The following GNE variants were observed in gnomAD, a reference collection of about 807,000 sequenced individuals.
GNE encodes the protein bifunctional UDP-N-acetylglucosamine 2-epimerase/N-acetylmannosamine kinase.
Under a neutral mutation model 61.8 loss-of-function variants are expected in GNE, and 41 were observed. That is an observed-to-expected ratio of 0.66 (90% CI 0.52 to 0.86). GNE has a LOEUF of 0.86. Ranked by LOEUF, GNE falls within the 40% of genes least tolerant of loss-of-function variation. The pLI is 0.00. For synonymous variants in GNE, 264 were observed against 326.4 expected, an observed-to-expected ratio of 0.81 and a Z score of 2.06; for missense variants, 608 against 909.1, an observed-to-expected ratio of 0.67 and a Z score of 4.26.
At chr9:36,252,772 G>T (rs928171130) in intron 1 of GNE, among the ~76,000 whole-genome samples, 2 of 152,172 alleles carry the variant, frequency 1.3e-5, no homozygotes, top group Admixed American at 1.3e-4. Flanking sequence ...AAGAGGTTAA[G>T]TAGCAATAAG....
Position 36,227,602 on chromosome 9 carries a change from A to G in GNE, c.1071-144T>C, listed in dbSNP as rs2133042941. 3 of 677,644 alleles carry G rather than the reference A, an allele frequency of 4.4e-6. No homozygotes were observed. In the East Asian group the frequency reaches 8.1e-5, roughly 18 times the overall value. 42.0% of individuals were successfully genotyped at this position (677,644 alleles called of 1,614,324 possible). A position where few individuals can be genotyped will look rare whatever the true frequency, so the allele number is the denominator to read the frequency against. On this transcript the variant is annotated intron_variant, in intron 6 of 11. Transcript: ENST00000642385. ...AAAGTGACATCTTCCTGCCGTGCAC[A>G]GTGGCTCACACCTGTAATCCCAGCA...
intron 3 of GNE, among the ~76,000 whole-genome samples, chr9:36,245,424 C>T (rs1471162420): frequency 6.6e-6 from 1 of 151,970 alleles, no homozygotes; most frequent in Non-Finnish European, 1.5e-5. Flanking sequence ...GTGGCTCACA[C>T]CTGTAATCCC....
intron 1 of GNE, among the ~76,000 whole-genome samples, chr9:36,269,271 C>G (rs981217540): frequency 6.6e-6 from 1 of 151,788 alleles, no homozygotes; most frequent in Non-Finnish European, 1.5e-5. Context: ...CCTCTTGCCC[C>G]TTAACATGAA....
At chr9:36,259,821 C>A (rs1003794487), upstream of GNE, among the ~76,000 whole-genome samples, 1 of 152,010 alleles carries the variant, frequency 6.6e-6, no homozygotes, top group African/African-American at 2.4e-5. Context: ...CCACCATGCC[C>A]GGCTAATTTT....
Position 36,256,824 on chromosome 9 carries a change from C to G in GNE, c.-43+1497G>C, listed in dbSNP as rs201969115. Among the ~76,000 whole-genome samples, 3 of 152,204 alleles carry G rather than the reference C, an allele frequency of 2.0e-5. No individual in the cohort carries two copies. In the East Asian group the frequency reaches 5.8e-4, roughly 29 times the overall value. On this transcript the variant is annotated intron_variant, in intron 1 of 11. Transcript: ENST00000642385. ...ATAGGTTTCTTCACATGTATTAACT[C>G]ATTTCATCCTCACAGCCCTCGTATT...
intron 1 of GNE, among the ~76,000 whole-genome samples, chr9:36,275,261 G>T (rs1831218922): frequency 6.6e-6 from 1 of 152,096 alleles, no homozygotes; most frequent in South Asian, 2.1e-4. Flanking sequence ...AGGCATTCTT[G>T]ACCTCTGCAC....
At chr9:36,232,868 T>G (rs763892445) in intron 5 of GNE, among the ~76,000 whole-genome samples, 3 of 152,218 alleles carry the variant, frequency 2.0e-5, no homozygotes, top group Non-Finnish European at 2.9e-5. Flanking sequence ...TAGTACATGG[T>G]AGGTGTTTAC....
chr9:36,233,484 G>A lies in GNE; in HGVS notation c.982+436C>T, dbSNP rs1250740762. 3.3e-5 allele frequency among the ~76,000 whole-genome samples: 5 copies of A among 152,258 alleles called. No individual in the cohort carries two copies. The East Asian group carries it at 9.6e-4, about 29-fold the overall frequency. Reference sequence around the variant, plus strand: ...GATTGAGACCATCCTGGCTAACAAAGTGAAACCCCGTCTCTACTAAAAAAT... The same window carrying A: ...GATTGAGACCATCCTGGCTAACAAAATGAAACCCCGTCTCTACTAAAAAAT... On this transcript the variant is annotated intron_variant, in intron 5 of 11. Coordinates refer to ENST00000642385, the MANE Select transcript of GNE (RefSeq NM_005476.7).
chr9:36,276,199 T>C (rs1831256678), intron 1 of GNE, among the ~76,000 whole-genome samples: 1 of 152,062 alleles, frequency 6.6e-6, no homozygotes, highest in Non-Finnish European at 1.5e-5. Context: ...CACACGTTTG[T>C]ATAAGCCATT....
chr9:36,249,301 G>A lies in GNE; in HGVS notation c.55C>T (p.Arg19Cys). 6.2e-7 allele frequency: 1 copy of A among 1,613,622 alleles called. No homozygotes were observed. The highest frequency in any genetic ancestry group is 2.2e-5 in the East Asian group (1 of 44,888). ...GGGGCAAGTTTAGAATAATCTGCAC[G>A]GTTACAAGTAGCAACACAAACCCGC... is the stretch of plus-strand genomic sequence containing the variant. The part of the protein sequence containing the change: ...KLRVCVATCN[R>C]ADYSKLAPIM... Residue 19 changes from arginine (R) to cysteine (C), a missense_variant, in exon 2 of 12, where the codon CGT becomes TGT. Physicochemically the swap from Arg to Cys is radical, Grantham distance 180 (BLOSUM62 -3). Coordinates refer to ENST00000642385, the MANE Select transcript of GNE (RefSeq NM_005476.7).
At chr9:36,270,223 A>G (rs1375191164) in intron 1 of GNE, among the ~76,000 whole-genome samples, 2 of 152,118 alleles carry the variant, frequency 1.3e-5, no homozygotes, top group Admixed American at 1.3e-4. Flanking sequence ...TCTGCCTTCC[A>G]AAGTGTTGGT....
chr9:36,227,235 G>T lies in GNE; in HGVS notation c.1281+13C>A, dbSNP rs1022557448. ...TATGGGATATAAAGTTAGGAGTTTAGGAGTTATTTTACCTTCATGCTGACT... is the reference window on the plus strand; with the variant it reads ...TATGGGATATAAAGTTAGGAGTTTATGAGTTATTTTACCTTCATGCTGACT... On this transcript the variant is annotated intron_variant, in intron 7 of 11. Transcript: ENST00000642385. 6.4e-7 allele frequency: 1 copy of T among 1,557,762 alleles called. No individual in the cohort carries two copies. The highest frequency in any genetic ancestry group is 1.4e-5 in the African/African-American group (1 of 73,886).
chr9:36,260,932 G>A (rs1290518471), upstream of GNE, among the ~76,000 whole-genome samples: 3 of 149,004 alleles, frequency 2.0e-5, no homozygotes, highest in Admixed American at 6.7e-5. Flanking sequence ...AGTTTTGGAC[G>A]TTAAGGATCC....
At chr9:36,248,973 T>C (rs1356233007) in intron 2 of GNE, among the ~76,000 whole-genome samples, 4 of 152,256 alleles carry the variant, frequency 2.6e-5, no homozygotes, top group Non-Finnish European at 5.9e-5. Context: ...GGATGCTCTA[T>C]ATCATGATCT....
At chr9:36,270,965 G>A (rs984008834) in intron 1 of GNE, among the ~76,000 whole-genome samples, 8 of 152,194 alleles carry the variant, frequency 5.3e-5, no homozygotes, top group East Asian at 1.9e-4. Flanking sequence ...GCATTCCCTC[G>A]CTCCTTTCAT....
At chr9:36,227,162 A>C in intron 7 of GNE, 86 bp downstream of exon 7, 3 of 800,966 alleles carry the variant, frequency 3.7e-6, no homozygotes, top group Non-Finnish European at 6.6e-6. Context: ...GTATGTTTCT[A>C]GTCTTACCTT....
At chr9:36,224,730 C>T (rs1229034255) in intron 7 of GNE, among the ~76,000 whole-genome samples, 1 of 152,040 alleles carries the variant, frequency 6.6e-6, no homozygotes, top group East Asian at 1.9e-4. Context: ...ATTAGCTGGG[C>T]GTGGTGGCAC....
At position 36,246,217 on chromosome 9, in the gene GNE, C is replaced by A; in HGVS notation, c.430G>T (p.Asp144Tyr). The change falls in exon 3 of 12, where the codon GAC becomes TAC. Residue 144 changes from aspartate (D) to tyrosine (Y), a missense_variant. Coordinates refer to ENST00000642385, the MANE Select transcript of GNE (RefSeq NM_005476.7). ...EGGEVSGTID[D>Y]SIRHAITKLA... ...TTTGTTATGGCATGTCTGATAGAGT[C>A]ATCAATGGTCCCACTGACTTCCCCA... 6.2e-7 allele frequency: 1 copy of A among 1,614,212 alleles called. No individual in the cohort carries two copies. The highest frequency in any genetic ancestry group is 1.3e-5 in the African/African-American group (1 of 75,058).
intron 3 of GNE, 41 bp from the exon 4 acceptor site, chr9:36,237,025 G>A (rs770167193): frequency 6.5e-7 from 1 of 1,531,830 alleles, no homozygotes; most frequent in Admixed American, 1.7e-5. Flanking sequence ...CATTAGTTAA[G>A]AATCTTAAAA....
Sources: gnomAD v4.1 joint callset for allele counts (sites outside exome capture counted in the v4.1 genomes callset) on GRCh38, gnomAD v4.1.1 for gene constraint, MANE v1.5 for transcripts, NCBI Gene and HGNC (gene_info 2026-07-23, HGNC 2026-07-21) for gene names.